HDAC9: variants seen among roughly 807,000 people sequenced by gnomAD.
HDAC9 encodes the protein MEF-2 interacting transcription repressor (MITR) protein.
HDAC9 carries 41 observed loss-of-function variants against 139.4 expected under a neutral mutation model. That is an observed-to-expected ratio of 0.29 (90% CI 0.23 to 0.38). HDAC9 has a LOEUF of 0.38. HDAC9 is among the 10% of genes least tolerant of loss of function. HDAC9 has a pLI of 1.00. For missense variants in HDAC9, 1,147 were observed against 1,297.0 expected (o/e 0.88, Z 1.78); for synonymous variants, 517 against 476.2 (o/e 1.09, Z -1.12).
At chr7:18,802,739 T>C (rs1793408512) in intron 17 of HDAC9, among the ~76,000 whole-genome samples, 1 of 151,692 alleles carries the variant, frequency 6.6e-6, no homozygotes, top group African/African-American at 2.4e-5. Context: ...CCTTTATTAA[T>C]ATTTAATAAT....
intron 17 of HDAC9, among the ~76,000 whole-genome samples, chr7:18,827,086 CA>C (rs1020834433): frequency 4.1e-5 from 6 of 146,302 alleles, no homozygotes; most frequent in South Asian, 2.1e-4. Context: ...GACCTCGTCT[CA>C]AAAAAAAACT....
chr7:18,636,254 T>A (rs1783848986), intron 8 of HDAC9, among the ~76,000 whole-genome samples: 1 of 152,084 alleles, frequency 6.6e-6, no homozygotes, highest in Non-Finnish European at 1.5e-5. Context: ...TTACATTGAT[T>A]AGTTGACTGC....
chr7:18,988,773 A>G (rs1785602899), intron 25 of HDAC9, among the ~76,000 whole-genome samples: 1 of 151,646 alleles, frequency 6.6e-6, no homozygotes, highest in African/African-American at 2.4e-5. Context: ...TATATTTAGG[A>G]TAGTTAGCTC....
intron 14 of HDAC9, among the ~76,000 whole-genome samples, chr7:18,754,998 A>G (rs73069075): frequency 6.6e-6 from 1 of 152,104 alleles, no homozygotes; most frequent in Non-Finnish European, 1.5e-5. Context: ...GTCTAACTAG[A>G]TGGCAGCACG....
upstream of HDAC9, among the ~76,000 whole-genome samples, chr7:18,495,314 G>A (rs1019314708): frequency 6.6e-6 from 1 of 152,030 alleles, no homozygotes; most frequent in African/African-American, 2.4e-5. Flanking sequence ...CCAATACAGA[G>A]CTCTGTACTT....
At chr7:18,825,896 AAT>A (rs2129203355) in intron 17 of HDAC9, among the ~76,000 whole-genome samples, 1 of 148,348 alleles carries the variant, frequency 6.7e-6, no homozygotes, top group East Asian at 1.9e-4. Flanking sequence ...TAATATATAT[AAT>A]GTTATATTTA....
In HDAC9 at chr7:18,988,777, T is replaced by G. The variant is rs970322457; in HGVS notation, c.3171-7246T>G. ...TTGGGTGCATATATATTTAGGATAG[T>G]TAGCTCTTCTTGTTGAATTGACCCC... On this transcript the variant is annotated intron_variant, in intron 25 of 25. Coordinates refer to ENST00000686413, the MANE Select transcript of HDAC9 (RefSeq NM_178425.4). 9.1e-3 allele frequency among the ~76,000 whole-genome samples: 1,377 copies of G among 151,942 alleles called. 31 individuals carry two copies. Among genetic ancestry groups the G allele is most frequent in the African/African-American group, 0.032 (1,324 of 41,396 alleles).
intron 1 of HDAC9, among the ~76,000 whole-genome samples, chr7:18,464,775 C>T (rs978872215): frequency 4.6e-5 from 7 of 151,980 alleles, no homozygotes; most frequent in Non-Finnish European, 7.4e-5. Flanking sequence ...ACCTTGGAGT[C>T]TCAATCCTAC....
rs987209333 is a variant in HDAC9, at chr7:18,343,742, C to T, written c.-42+53227C>T. Among the ~76,000 whole-genome samples, 8 of 151,722 alleles carry T rather than the reference C, an allele frequency of 5.3e-5. No individual in the cohort carries two copies. The East Asian group carries it at 7.7e-4, about 15-fold the overall frequency. ...ATTCAGTAAAAATAACAACCATTTC[C>T]GCATAGATTTTATGGGTACTGAACT... On this transcript the variant is annotated intron_variant, in intron 1 of 3. Transcript: ENST00000413509.
intron 1 of HDAC9, among the ~76,000 whole-genome samples, chr7:18,095,636 G>T (rs1261516610): frequency 6.6e-6 from 1 of 152,124 alleles, no homozygotes; most frequent in Non-Finnish European, 1.5e-5. Flanking sequence ...TACAGTATGA[G>T]TGTGTTTATT....
intron 2 of HDAC9, among the ~76,000 whole-genome samples, chr7:18,168,879 GTTT>G (rs112502543): frequency 0.012 from 948 of 80,858 alleles, 19 homozygotes; most frequent in African/African-American, 0.037. Flanking sequence ...CAAATGTCTT[GTTT>G]TTTTTTTTTT....
chr7:18,491,508 CTTTTTGGCAAGA>C (rs200522022), upstream of HDAC9, among the ~76,000 whole-genome samples: 1,954 of 152,030 alleles, frequency 0.013, 14 homozygotes, highest in Middle Eastern at 0.027. Flanking sequence ...AGAAGCTAAG[CTTTTTGGCAAGA>C]TGGATCAAAA....
At chr7:18,280,319 G>A (rs1436157480) in intron 2 of HDAC9, among the ~76,000 whole-genome samples, 1 of 152,146 alleles carries the variant, frequency 6.6e-6, no homozygotes, top group East Asian at 1.9e-4. Flanking sequence ...GCTGGGTGCA[G>A]TAGCTCATGC....
intron 2 of HDAC9, among the ~76,000 whole-genome samples, chr7:18,522,938 G>GAC (rs1805558748): frequency 6.6e-6 from 1 of 152,214 alleles, no homozygotes. Flanking sequence ...AGTAAATGAT[G>GAC]TAGTGTCTTG....
chr7:18,338,218 G>A (rs916809315), intron 1 of HDAC9, among the ~76,000 whole-genome samples: 2 of 151,680 alleles, frequency 1.3e-5, no homozygotes, highest in African/African-American at 4.8e-5. Flanking sequence ...AATTGAATAT[G>A]CAGTAACAAC....
rs1781930462 is a variant in HDAC9 at position 18,682,115 on chromosome 7, C to T, written c.1731+15639C>T. Among the ~76,000 whole-genome samples the T allele has an allele frequency of 6.6e-5, 10 of 152,130 alleles. 1 individual carries two copies. In the South Asian group the frequency reaches 1.9e-3, roughly 28 times the overall value. ...AACACAATTCTCAGAACATAATTTA[C>T]ATTCACAATACAGACATTTAAAATG... On this transcript the variant is annotated intron_variant, in intron 12 of 25. Transcript: ENST00000686413.
chr7:18,947,823 T>C (rs746753100), intron 23 of HDAC9, among the ~76,000 whole-genome samples: 1 of 152,002 alleles, frequency 6.6e-6, no homozygotes, highest in Non-Finnish European at 1.5e-5. Context: ...TATAAGAGAA[T>C]ATTTCTCATA....
intron 17 of HDAC9, among the ~76,000 whole-genome samples, chr7:18,812,547 C>T (rs1794256113): frequency 1.3e-5 from 2 of 151,608 alleles, no homozygotes; most frequent in African/African-American, 2.4e-5. Flanking sequence ...AATTAGAAAT[C>T]GGCTGTCATG....
intron 2 of HDAC9, among the ~76,000 whole-genome samples, chr7:18,566,649 C>G (rs1349975896): frequency 6.6e-6 from 1 of 152,160 alleles, no homozygotes; most frequent in African/African-American, 2.4e-5. Flanking sequence ...GTGGACTAAT[C>G]AAGACTAGAA....
Sources: allele counts gnomAD v4.1 joint callset (sites outside exome capture counted in the v4.1 genomes callset), GRCh38; gene constraint gnomAD v4.1.1; transcripts MANE v1.5; gene names NCBI Gene and HGNC (gene_info 2026-07-23, HGNC 2026-07-21).